Variants in ZNF735 observed in about 807,000 individuals in gnomAD.
ZNF735 encodes zinc finger protein 735, also known as putative zinc finger protein 735.
A neutral mutation model predicts 13.4 loss-of-function variants in ZNF735; 11 were observed. The ratio of observed to expected loss-of-function variants is 0.82; its 90% confidence interval spans 0.52 to 1.36. The LOEUF (loss-of-function observed/expected upper bound fraction) is 1.36, where lower values mean the gene tolerates loss of function less well. Ranked by LOEUF, ZNF735 falls within the 40% of genes most tolerant of loss-of-function variation. ZNF735 has a pLI of 0.00. For missense variants in ZNF735, 500 were observed against 484.6 expected (o/e 1.03, Z -0.30); for synonymous variants, 171 against 162.6 (o/e 1.05, Z -0.39).
Position 64,214,005 on chromosome 7 carries a change from TA to T in ZNF735, c.167-4del. 6.3e-7 allele frequency: 1 copy of T among 1,582,738 alleles called. No individual in the cohort carries two copies. On this transcript the variant is annotated splice_polypyrimidine_tract_variant and splice_region_variant and intron_variant, in intron 2 of 3. Transcript: ENST00000429565. ...GATTTAAGTTACTTTTTTTTCTTAA[TA>T]AAACAGGTATGACTGTCTCTAAGCC... is the stretch of plus-strand genomic sequence containing the variant.
intron 1 of ZNF735, among the ~76,000 whole-genome samples, chr7:64,211,305 C>G (rs545722870): frequency 6.6e-6 from 1 of 152,220 alleles, no homozygotes; most frequent in Non-Finnish European, 1.5e-5. Flanking sequence ...TGAGGAAACA[C>G]AGTTGTCTTT....
intron 1 of ZNF735, among the ~76,000 whole-genome samples, chr7:64,208,244 G>GTTTTTTTTTTTTTTT (rs71060562): frequency 1.1e-5 from 1 of 93,082 alleles, no homozygotes; most frequent in African/African-American, 4.2e-5. Flanking sequence ...TCCAATAAAT[G>GTTTTTTTTTTTTTTT]TTTTTTTTTT....
In ZNF735 at chr7:64,219,884, T is replaced by G. The variant is rs1373373746; in HGVS notation, c.833T>G (p.Phe278Cys). 2.5e-6 allele frequency: 4 copies of G among 1,613,626 alleles called. No homozygotes were observed. In the South Asian group the frequency reaches 3.3e-5, roughly 13 times the overall value. ...GCATGTGAAGAATGTGGCCAAGCCT[T>G]TAGGCGCTCCTCAACACTTACTAAC... The change falls in exon 4 of 4, where the codon TTT becomes TGT. Residue 278 changes from phenylalanine to cysteine, a missense_variant. Phe to Cys is a radical substitution (Grantham distance 205). Transcript: ENST00000429565.
rs777367562 is a variant in ZNF735 at position 64,213,976 on chromosome 7, A to G, written c.167-37A>G. On this transcript the variant is annotated intron_variant, in intron 2 of 3. Transcript: ENST00000429565. ...TCCATCTCAAAAAATAAATAAATAA[A>G]TAAGATTTAAGTTACTTTTTTTTCT... The G allele has an allele frequency of 2.6e-5, 40 of 1,517,244 alleles. No homozygotes were observed. In the African/African-American group the frequency reaches 5.4e-4, roughly 20 times the overall value. 94.0% of individuals were successfully genotyped at this position (1,517,244 alleles called of 1,614,324 possible).
intron 3 of ZNF735, among the ~76,000 whole-genome samples, chr7:64,215,065 CT>C (rs200637720): frequency 2.3e-3 from 317 of 140,666 alleles, no homozygotes; most frequent in South Asian, 3.6e-3. Flanking sequence ...TTTCTTTTTT[CT>C]TTTTTTTTTT....
chr7:64,218,914 T>C (rs1242427045), intron 3 of ZNF735, among the ~76,000 whole-genome samples: 2 of 152,200 alleles, frequency 1.3e-5, no homozygotes, highest in Non-Finnish European at 1.5e-5. Context: ...GTAACCACTT[T>C]CTACATCTAT....
chr7:64,215,466 C>T (rs1447899550), intron 3 of ZNF735, among the ~76,000 whole-genome samples: 5 of 150,726 alleles, frequency 3.3e-5, no homozygotes, highest in African/African-American at 1.2e-4. Context: ...CAAATATTGT[C>T]ACCCATTTCT....
Position 64,214,890 on chromosome 7 carries a change from TA to T in ZNF735, c.262+791del, listed in dbSNP as rs572271138. ...TACATCATCAACATAGTTGGTGTTT[TA>T]AAAAAAAATTATAGTGGTCATCCTA... On this transcript the variant is annotated intron_variant, in intron 3 of 3. Transcript: ENST00000429565. 3.4e-4 allele frequency among the ~76,000 whole-genome samples: 51 copies of T among 151,494 alleles called. 1 individual carries two copies. The highest frequency in any genetic ancestry group is 2.5e-3 in the South Asian group (12 of 4,806).
chr7:64,215,122 G>C (rs1464291630), intron 3 of ZNF735, among the ~76,000 whole-genome samples: 2 of 150,798 alleles, frequency 1.3e-5, no homozygotes, highest in Admixed American at 1.3e-4. Flanking sequence ...AGTGCAATGG[G>C]GCAATTTTGG....
chr7:64,219,853 C>A (rs750058979), exon 4 of ZNF735: 32 of 1,613,688 alleles, frequency 2.0e-5, no homozygotes, highest in Non-Finnish European at 2.6e-5. Flanking sequence ...TGGAGAGAAA[C>A]CCTACGCATG....
intron 3 of ZNF735, among the ~76,000 whole-genome samples, chr7:64,217,873 C>T (rs1787441144): frequency 6.6e-6 from 1 of 152,004 alleles, no homozygotes; most frequent in Non-Finnish European, 1.5e-5. Context: ...CCCTGTGCTT[C>T]TTACTGATCT....
chr7:64,220,209 T>C (rs1444265612), exon 4 of ZNF735: 2 of 1,612,954 alleles, frequency 1.2e-6, no homozygotes, highest in South Asian at 1.1e-5. Context: ...GTGAAGAATG[T>C]GACAAAGCTT....
At chr7:64,214,234 A>G in intron 3 of ZNF735, 126 bp downstream of exon 3, 2 of 996,528 alleles carry the variant, frequency 2.0e-6, no homozygotes, top group Non-Finnish European at 2.8e-6. Flanking sequence ...AAGCTTGAGT[A>G]TTTTTTATTT....
intron 1 of ZNF735, among the ~76,000 whole-genome samples, 183 bp from the exon 2 acceptor site, chr7:64,212,909 C>T (rs1468924123): frequency 6.6e-6 from 1 of 152,078 alleles, no homozygotes; most frequent in Admixed American, 6.6e-5. Context: ...TTATGCTCTC[C>T]TCTTTTCTCA....
At chr7:64,214,177 T>TA in intron 3 of ZNF735, 69 bp downstream of exon 3, 1 of 1,500,842 alleles carries the variant, frequency 6.7e-7, no homozygotes, top group Non-Finnish European at 9.1e-7. Context: ...AGCCAGTCTT[T>TA]AAAATGTGGT....
chr7:64,219,552 T>C (rs1787461955), exon 4 of ZNF735: 1 of 1,589,778 alleles, frequency 6.3e-7, no homozygotes, highest in African/African-American at 1.3e-5. Context: ...AAGTCTTCAG[T>C]AAATTTTCAA....
chr7:64,214,273 A>G (rs1272896859), intron 3 of ZNF735, among the ~76,000 whole-genome samples, 165 bp downstream of exon 3: 3 of 151,988 alleles, frequency 2.0e-5, no homozygotes, highest in African/African-American at 7.2e-5. Context: ...TTGCTCTCAC[A>G]TTGGGACACC....
intron 1 of ZNF735, among the ~76,000 whole-genome samples, 166 bp downstream of exon 1, chr7:64,207,407 T>C (rs1787302417): frequency 6.6e-6 from 1 of 152,206 alleles, no homozygotes; most frequent in African/African-American, 2.4e-5. Context: ...CCTAAGATGG[T>C]GCCTGGGCCA....
In ZNF735 at chr7:64,216,676, G is replaced by A. The variant is rs199574714; in HGVS notation, c.262+2568G>A. Among the ~76,000 whole-genome samples, 20 of 151,884 alleles carry A rather than the reference G, an allele frequency of 1.3e-4. No individual in the cohort carries two copies. The East Asian group carries it at 3.3e-3, about 25-fold the overall frequency. On this transcript the variant is annotated intron_variant, in intron 3 of 3. Coordinates refer to ENST00000429565, the Ensembl canonical transcript of ZNF735. ...ACTGTAGTGCAGTAGCACAATCTTG[G>A]CTCATCACAACCTCAACTTCCTGGA...
Sources: gnomAD v4.1 joint callset for allele counts (sites outside exome capture counted in the v4.1 genomes callset) on GRCh38, gnomAD v4.1.1 for gene constraint, MANE v1.5 for transcripts, NCBI Gene and HGNC (gene_info 2026-07-23, HGNC 2026-07-21) for gene names.